HDAC2: variants seen among roughly 807,000 people sequenced by gnomAD.
The protein encoded by HDAC2 is histone deacetylase 2, also known as YY1-associated factor 1.
Under a neutral mutation model 68.5 loss-of-function variants are expected in HDAC2, and 5 were observed. That is an observed-to-expected ratio of 0.07 (90% CI 0.04 to 0.15). The LOEUF (loss-of-function observed/expected upper bound fraction) is 0.15, where lower values mean the gene tolerates loss of function less well. HDAC2 is among the 10% of genes least tolerant of loss of function. The pLI, the probability that HDAC2 is intolerant of heterozygous loss-of-function variation, is 1.00. For missense variants in HDAC2, 291 were observed against 600.8 expected (o/e 0.48, Z 5.39); for synonymous variants, 182 against 191.3 (o/e 0.95, Z 0.40).
At chr6:113,943,736 T>G (rs1308616988) in intron 11 of HDAC2, among the ~76,000 whole-genome samples, 1 of 152,160 alleles carries the variant, frequency 6.6e-6, no homozygotes, top group Non-Finnish European at 1.5e-5. Flanking sequence ...ATTGGGGGAA[T>G]CTCTTTTTCT....
At position 113,939,657 on chromosome 6, in the gene HDAC2, T is replaced by C. The variant is rs1308761186; in HGVS notation, c.*1401A>G. 6.6e-6 allele frequency: 1 copy of C among 151,888 alleles called. No homozygotes were observed. The highest frequency in any genetic ancestry group is 1.5e-5 in the Non-Finnish European group (1 of 67,978). The allele number at this position is 151,888 out of a possible 1,614,324, so 9.4% of individuals were successfully genotyped here. On this transcript the variant is annotated 3_prime_UTR_variant, in exon 14 of 14. Coordinates refer to ENST00000519065, the MANE Select transcript of HDAC2 (RefSeq NM_001527.4). ...ATTCACAAAAACATGGATAAAATAA[T>C]CACAATGGTGATTACTTCTTAAGGC...
At position 113,938,387 on chromosome 6, in the gene HDAC2, CT is replaced by C; in HGVS notation, c.*2670del. On this transcript the variant is annotated 3_prime_UTR_variant, in exon 14 of 14. Coordinates refer to ENST00000519065, the MANE Select transcript of HDAC2 (RefSeq NM_001527.4). ...CTCTGTCTTTTGTCATTTTTCTTGA[CT>C]TGTCTTCTAAGTTTTTGTTGGTCCA... 6.6e-6 allele frequency: 1 copy of C among 151,882 alleles called. No individual in the cohort carries two copies. The highest frequency in any genetic ancestry group is 2.4e-5 in the African/African-American group (1 of 41,470). 9.4% of individuals were successfully genotyped at this position (151,882 alleles called of 1,614,324 possible). A position where few individuals can be genotyped will look rare whatever the true frequency, so the allele number is the denominator to read the frequency against.
rs376751114 is a variant in HDAC2 at position 113,958,634 on chromosome 6, T to A, written c.283+15A>T. On this transcript the variant is annotated intron_variant, in intron 3 of 13. Coordinates refer to ENST00000519065, the MANE Select transcript of HDAC2 (RefSeq NM_001527.4). Reference sequence around the variant, plus strand: ...CATTTATCAAAGCAAAACTACTTTTTACTTAGAAACGTACATCTCTGCATC... The same window carrying A: ...CATTTATCAAAGCAAAACTACTTTTAACTTAGAAACGTACATCTCTGCATC... 47 of 1,268,698 alleles carry A rather than the reference T, an allele frequency of 3.7e-5. No homozygotes were observed. The highest frequency in any genetic ancestry group is 5.1e-5 in the Non-Finnish European group (45 of 884,800). The allele number at this position is 1,268,698 out of a possible 1,614,324, so 78.6% of individuals were successfully genotyped here. A position where few individuals can be genotyped will look rare whatever the true frequency, so the allele number is the denominator to read the frequency against.
chr6:113,948,700 T>C (rs1776324030), intron 8 of HDAC2: 1 of 329,204 alleles, frequency 3.0e-6, no homozygotes, highest in Admixed American at 4.4e-5. Flanking sequence ...GTATGCATGT[T>C]TTATTTACAC....
intron 12 of HDAC2, 61 bp downstream of exon 12, chr6:113,943,290 T>C (rs1776184386): frequency 2.2e-6 from 3 of 1,380,148 alleles, no homozygotes; most frequent in Non-Finnish European, 3.0e-6. Context: ...ATAAACATTA[T>C]AATGCAGCCC....
intron 1 of HDAC2, among the ~76,000 whole-genome samples, chr6:113,965,488 C>A (rs1211265222): frequency 1.3e-5 from 2 of 152,130 alleles, no homozygotes; most frequent in Non-Finnish European, 2.9e-5. Context: ...CCTGCCTCAG[C>A]CTCCCAAGTA....
intron 9 of HDAC2, among the ~76,000 whole-genome samples, chr6:113,945,756 A>C (rs1776251026): frequency 6.6e-6 from 1 of 152,212 alleles, no homozygotes; most frequent in African/African-American, 2.4e-5. Flanking sequence ...TGAAATATTC[A>C]ACGTTTTATT....
chr6:113,961,847 G>A (rs745356928), intron 1 of HDAC2, among the ~76,000 whole-genome samples: 22 of 152,246 alleles, frequency 1.4e-4, no homozygotes, highest in East Asian at 3.9e-4. Flanking sequence ...ATGAGGTTTC[G>A]TGGGATGACC....
chr6:113,963,229 G>A (rs189192111), intron 1 of HDAC2, among the ~76,000 whole-genome samples: 24 of 151,498 alleles, frequency 1.6e-4, no homozygotes, highest in African/African-American at 5.6e-4. Context: ...GATTACAAGC[G>A]CCCACCACCA....
chr6:113,956,184 C>T (rs371448780), intron 4 of HDAC2, 33 bp from the exon 5 acceptor site: 57 of 1,550,256 alleles, frequency 3.7e-5, no homozygotes, highest in Admixed American at 1.0e-4. Context: ...ACCTTTTAAA[C>T]ATTTATCATA....
rs1244033596 is a variant in HDAC2 at position 113,934,782 on chromosome 6, C to T, written c.*6276G>A. ...TGTTTGGCATCAAAAGGGAATAGCA[C>T]AGGAATTATACCTAAGTCCATTACA... On this transcript the variant is annotated 3_prime_UTR_variant, in exon 14 of 14. Coordinates refer to ENST00000519065, the MANE Select transcript of HDAC2 (RefSeq NM_001527.4). 2.0e-5 allele frequency: 3 copies of T among 152,166 alleles called. No homozygotes were observed. The highest frequency in any genetic ancestry group is 4.4e-5 in the Non-Finnish European group (3 of 68,040). The allele number at this position is 152,166 out of a possible 1,614,324, so 9.4% of individuals were successfully genotyped here.
In HDAC2 at chr6:113,949,868, G is replaced by A. The variant is rs112708461; in HGVS notation, c.640-608C>T. ...GTGATCTCAGCTCACTGCAACCTCC[G>A]CCTCCCAGGTTCAAGCAATTCTCCT... On this transcript the variant is annotated intron_variant, in intron 6 of 13. Coordinates refer to ENST00000519065, the MANE Select transcript of HDAC2 (RefSeq NM_001527.4). Among the ~76,000 whole-genome samples, 556 of 151,808 alleles carry A rather than the reference G, an allele frequency of 3.7e-3. 3 individuals carry two copies. Among genetic ancestry groups the A allele is most frequent in the African/African-American group, 0.012 (506 of 41,400 alleles).
chr6:113,946,196 G>A, intron 8 of HDAC2, 48 bp from the exon 9 acceptor site: 1 of 1,489,510 alleles, frequency 6.7e-7, no homozygotes, highest in South Asian at 1.3e-5. Context: ...TACTGCAACA[G>A]TTCGAAAAAT....
chr6:113,962,978 AAAAG>A (rs1562149205), intron 1 of HDAC2, among the ~76,000 whole-genome samples: 7 of 151,738 alleles, frequency 4.6e-5, no homozygotes, highest in African/African-American at 1.7e-4. Flanking sequence ...AAAAAAAAAA[AAAAG>A]AATTCTTCTA....
chr6:113,970,643 G>A (rs879584953), intron 1 of HDAC2: 34 of 1,345,884 alleles, frequency 2.5e-5, no homozygotes, highest in African/African-American at 3.1e-5. Flanking sequence ...CAAGACGGGC[G>A]GGCCCCCTGA....
chr6:113,955,784 TA>T, intron 5 of HDAC2: 1 of 403,696 alleles, frequency 2.5e-6, no homozygotes, highest in Non-Finnish European at 4.3e-6. Flanking sequence ...GTGGAGGGAT[TA>T]CAGGCCTGGG....
chr6:113,962,986 T>A (rs1352997756), intron 1 of HDAC2, among the ~76,000 whole-genome samples: 2 of 151,326 alleles, frequency 1.3e-5, no homozygotes, highest in African/African-American at 2.4e-5. Flanking sequence ...AAAAAAGAAT[T>A]CTTCTAAAAT....
At chr6:113,944,722 G>T (rs533780246) in intron 10 of HDAC2, among the ~76,000 whole-genome samples, 107 of 152,192 alleles carry the variant, frequency 7.0e-4, no homozygotes, top group African/African-American at 2.5e-3. Flanking sequence ...ACAAACTACT[G>T]GTCTAAAGCT....
rs1775992658 is a variant in HDAC2 at position 113,936,151 on chromosome 6, C to G, written c.*4907G>C. ...TTATAGGAAAACCTAAATCAGTAAA[C>G]TTAATTGTAGTTTAATTCAAAGTTT... is the stretch of plus-strand genomic sequence containing the variant. On this transcript the variant is annotated 3_prime_UTR_variant, in exon 14 of 14. Transcript: ENST00000519065. 1 of 152,102 alleles carries G rather than the reference C, an allele frequency of 6.6e-6. No individual in the cohort carries two copies. Among genetic ancestry groups the G allele is most frequent in the Non-Finnish European group, 1.5e-5 (1 of 68,002 alleles). The allele number at this position is 152,102 out of a possible 1,614,324, so 9.4% of individuals were successfully genotyped here. A position where few individuals can be genotyped will look rare whatever the true frequency, so the allele number is the denominator to read the frequency against.
Sources: gnomAD v4.1 joint callset for allele counts (sites outside exome capture counted in the v4.1 genomes callset) on GRCh38, gnomAD v4.1.1 for gene constraint, MANE v1.5 for transcripts, NCBI Gene and HGNC (gene_info 2026-07-23, HGNC 2026-07-21) for gene names.